The following CERKL variants were observed in gnomAD, a reference collection of about 807,000 sequenced individuals.
The protein encoded by CERKL is CERK like autophagy regulator.
Under a neutral mutation model 63.4 loss-of-function variants are expected in CERKL, and 61 were observed. That is an observed-to-expected ratio of 0.96 (90% CI 0.78 to 1.19). CERKL has a LOEUF of 1.19. Ranked by LOEUF, CERKL falls within the 50% of genes most tolerant of loss-of-function variation. The probability of loss-of-function intolerance (pLI) is 0.00; values close to 1 mark genes in which losing one functional copy is unlikely to be tolerated. For synonymous variants in CERKL, 250 were observed against 230.5 expected (o/e 1.08, Z -0.77); for missense variants, 675 against 655.5 (o/e 1.03, Z -0.33).
At chr2:181,630,779 TACTATCCTGCCTTG>T (rs1402662020) in intron 1 of CERKL, among the ~76,000 whole-genome samples, 42 of 152,348 alleles carry the variant, frequency 2.8e-4, no homozygotes, top group Admixed American at 9.8e-4. Flanking sequence ...CAGACTCCTA[TACTATCCTGCCTTG>T]ACTTATCTTC....
At chr2:181,646,425 G>A (rs1216867062) in intron 1 of CERKL, among the ~76,000 whole-genome samples, 2 of 152,236 alleles carry the variant, frequency 1.3e-5, no homozygotes, top group Non-Finnish European at 2.9e-5. Context: ...TCTGACAGCT[G>A]ATGCTGAATA....
chr2:181,561,684 C>A (rs1224467622), intron 4 of CERKL, among the ~76,000 whole-genome samples: 1 of 152,108 alleles, frequency 6.6e-6, no homozygotes, highest in Non-Finnish European at 1.5e-5. Context: ...GAGTTTGATA[C>A]CTTTTAAGGT....
chr2:181,599,201 C>A (rs1685354105), intron 2 of CERKL, among the ~76,000 whole-genome samples: 1 of 152,070 alleles, frequency 6.6e-6, no homozygotes, highest in Non-Finnish European at 1.5e-5. Context: ...CCAAATAGAA[C>A]TTTTGGAATT....
At chr2:181,545,465 C>T (rs1243058332) in intron 10 of CERKL, among the ~76,000 whole-genome samples, 1 of 152,182 alleles carries the variant, frequency 6.6e-6, no homozygotes, top group Non-Finnish European at 1.5e-5. Context: ...TGCAGAAATA[C>T]ATACAAATGA....
intron 1 of CERKL, among the ~76,000 whole-genome samples, chr2:181,653,620 T>C (rs1293998496): frequency 6.6e-6 from 1 of 152,196 alleles, no homozygotes; most frequent in African/African-American, 2.4e-5. Context: ...CTGGAGGACA[T>C]CGTGTTAAGA....
intron 4 of CERKL, among the ~76,000 whole-genome samples, chr2:181,563,253 G>A (rs990822405): frequency 5.3e-5 from 8 of 152,008 alleles, no homozygotes; most frequent in African/African-American, 1.9e-4. Flanking sequence ...TGGAGAACTA[G>A]CTGTCATAAG....
intron 3 of CERKL, among the ~76,000 whole-genome samples, chr2:181,572,204 G>A (rs1394127448): frequency 6.6e-6 from 1 of 151,822 alleles, no homozygotes; most frequent in Non-Finnish European, 1.5e-5. Context: ...AAACTGCCTA[G>A]TTCAAATGCT....
intron 5 of CERKL, among the ~76,000 whole-genome samples, chr2:181,556,689 T>C (rs1260136831): frequency 2.6e-5 from 4 of 152,236 alleles, no homozygotes; most frequent in Non-Finnish European, 1.5e-5. Context: ...TTGTGAGTAG[T>C]GCCACAATAA....
At chr2:181,576,501 C>T (rs775780542) in intron 2 of CERKL, among the ~76,000 whole-genome samples, 5 of 152,214 alleles carry the variant, frequency 3.3e-5, no homozygotes, top group South Asian at 2.1e-4. Flanking sequence ...TACCGAAACA[C>T]GACAGGCCAG....
intron 1 of CERKL, among the ~76,000 whole-genome samples, chr2:181,607,485 G>A (rs1685768870): frequency 6.6e-6 from 1 of 152,148 alleles, no homozygotes. Context: ...TAAAAACAGT[G>A]TTTCAAGCTC....
At chr2:181,614,191 T>C (rs191750908) in intron 1 of CERKL, among the ~76,000 whole-genome samples, 1 of 152,298 alleles carries the variant, frequency 6.6e-6, no homozygotes, top group Admixed American at 6.5e-5. Flanking sequence ...TTTCTCAGGT[T>C]TCCAGGTGAA....
intron 1 of CERKL, among the ~76,000 whole-genome samples, chr2:181,652,934 C>T (rs1688001423): frequency 1.3e-5 from 2 of 152,054 alleles, no homozygotes; most frequent in Non-Finnish European, 2.9e-5. Flanking sequence ...GCCACCACAC[C>T]CGGCTAATTT....
chr2:181,647,188 C>A (rs1053042091), intron 1 of CERKL, among the ~76,000 whole-genome samples: 7 of 152,034 alleles, frequency 4.6e-5, no homozygotes, highest in African/African-American at 1.7e-4. Context: ...TGAATGGAAG[C>A]GAATGAAGGC....
intron 1 of CERKL, among the ~76,000 whole-genome samples, chr2:181,610,968 T>C (rs892882617): frequency 3.3e-5 from 5 of 152,148 alleles, no homozygotes; most frequent in Non-Finnish European, 7.3e-5. Flanking sequence ...TCACGGCCTG[T>C]AATCCCAGCA....
chr2:181,558,789 G>T lies in CERKL; in HGVS notation c.678-81C>A, dbSNP rs968625844. 5 of 1,442,536 alleles carry T rather than the reference G, an allele frequency of 3.5e-6. No individual in the cohort carries two copies. The African/African-American group carries it at 7.0e-5, about 20-fold the overall frequency. The allele number at this position is 1,442,536 out of a possible 1,614,324, so 89.4% of individuals were successfully genotyped here. A position where few individuals can be genotyped will look rare whatever the true frequency, so the allele number is the denominator to read the frequency against. ...GTCATGAAATCTAGACTTCAAAATA[G>T]TTTACTAATTTGTAGTCTATGTGCA... On this transcript the variant is annotated intron_variant, in intron 4 of 12. Coordinates refer to ENST00000410087, the MANE Select transcript of CERKL (RefSeq NM_201548.5). The surrounding 1 kb of genome is among the most constrained non-coding windows in gnomAD (Gnocchi z 4.2).
intron 1 of CERKL, among the ~76,000 whole-genome samples, chr2:181,626,706 G>C (rs1316428070): frequency 6.6e-6 from 1 of 152,242 alleles, no homozygotes. Context: ...AGCAATTCTT[G>C]AGAGTGGGTA....
chr2:181,611,417 G>T (rs1393685198), intron 1 of CERKL, among the ~76,000 whole-genome samples: 2 of 151,936 alleles, frequency 1.3e-5, no homozygotes, highest in African/African-American at 4.8e-5. Flanking sequence ...GCAGTGTTTT[G>T]GGAGGCTGAG....
At chr2:181,609,140 T>C (rs964723402) in intron 1 of CERKL, among the ~76,000 whole-genome samples, 1 of 152,090 alleles carries the variant, frequency 6.6e-6, no homozygotes, top group African/African-American at 2.4e-5. Context: ...AGTTTCAGGG[T>C]ACATGTGCAC....
Position 181,538,294 on chromosome 2 carries a change from T to C in CERKL, c.1539-50A>G, listed in dbSNP as rs554779592. ...TCAACTTATTTTGTTGTTTTTCACA[T>C]ACACCTAATAAGTATGGTACACAAT... On this transcript the variant is annotated intron_variant, in intron 12 of 12. Transcript: ENST00000410087. The C allele has an allele frequency of 2.6e-5, 28 of 1,069,698 alleles. 1 individual carries two copies. Among genetic ancestry groups the C allele is most frequent in the African/African-American group, 1.6e-4 (10 of 64,288 alleles). The allele number at this position is 1,069,698 out of a possible 1,614,324, so 66.3% of individuals were successfully genotyped here.
Sources: allele counts gnomAD v4.1 joint callset (sites outside exome capture counted in the v4.1 genomes callset), GRCh38; gene constraint gnomAD v4.1.1; non-coding constraint Gnocchi (gnomAD v3.1); transcripts MANE v1.5; gene names NCBI Gene and HGNC (gene_info 2026-07-23, HGNC 2026-07-21).